Variants in DCLK3 observed in about 807,000 individuals in gnomAD.
DCLK3 encodes the protein doublecortin like kinase 3.
DCLK3 carries 30 observed loss-of-function variants against 46.4 expected under a neutral mutation model. The observed-to-expected ratio is 0.65, with a 90% confidence interval of 0.48 to 0.88. DCLK3 has a LOEUF of 0.88. Ranked by LOEUF, DCLK3 falls within the 40% of genes least tolerant of loss-of-function variation. The pLI, the probability that DCLK3 is intolerant of heterozygous loss-of-function variation, is 0.00. For synonymous variants in DCLK3, 401 were observed against 339.2 expected (o/e 1.18, Z -2.00); for missense variants, 846 against 907.1 (o/e 0.93, Z 0.87).
chr3:36,751,049 T>C (rs1701435760), intron 1 of DCLK3, among the ~76,000 whole-genome samples: 1 of 97,790 alleles, frequency 1.0e-5, no homozygotes, highest in Non-Finnish European at 2.0e-5. Flanking sequence ...GATATCCCTG[T>C]AGACGGGATG....
At chr3:36,744,741 C>T (rs1487670464) in intron 1 of DCLK3, among the ~76,000 whole-genome samples, 1 of 152,168 alleles carries the variant, frequency 6.6e-6, no homozygotes, top group African/African-American at 2.4e-5. Context: ...GAATATGATG[C>T]TAAATGTGAC....
At chr3:36,716,558 G>C (rs1164425901) in intron 4 of DCLK3, among the ~76,000 whole-genome samples, 4 of 152,162 alleles carry the variant, frequency 2.6e-5, no homozygotes, top group African/African-American at 9.7e-5. Flanking sequence ...GTGTACAAGT[G>C]TGGACAACCA....
rs1241472768 is a variant in DCLK3 at position 36,724,379 on chromosome 3, T to A, written c.1960-2720A>T. On this transcript the variant is annotated intron_variant, in intron 2 of 4. Transcript: ENST00000636136. ...GAAATGAGTTAAGACTTTGGGGAAC[T>A]ATTGAGAAGACATGATTGGTTTTGA... 2.0e-5 allele frequency among the ~76,000 whole-genome samples: 3 copies of A among 152,192 alleles called. No individual in the cohort carries two copies. In the East Asian group the frequency reaches 5.8e-4, roughly 29 times the overall value.
chr3:36,746,049 T>C (rs1701390849), intron 1 of DCLK3, among the ~76,000 whole-genome samples: 1 of 152,244 alleles, frequency 6.6e-6, no homozygotes, highest in Non-Finnish European at 1.5e-5. Flanking sequence ...CAATCTCTAA[T>C]TAACATCCTC....
rs202244952 is a variant in DCLK3 at position 36,737,323 on chromosome 3, C to T, written c.1844G>A (p.Ser615Asn). The T allele has an allele frequency of 1.2e-6, 2 of 1,614,184 alleles. No individual in the cohort carries two copies. The highest frequency in any genetic ancestry group is 2.7e-5 in the African/African-American group (2 of 75,044). The change falls in exon 2 of 5, where the codon AGT (serine) becomes AAT (asparagine). Residue 615 changes from serine (S) to asparagine (N), a missense_variant. Physicochemically the swap from Ser to Asn is conservative, Grantham distance 46. This residue lies in a region of DCLK3 where 247 missense variants were observed against 322.8 expected (regional missense o/e 0.77). Transcript: ENST00000636136. This position sits in a 1 kb window ranked among gnomAD's most constrained non-coding sequence, Gnocchi z 4.4. ...GGDLFDAIIE[S>N]VKFPEPDAAL... ...AGCATCGGGCTCCGGGAACTTCACA[C>T]TTTCTATGATGGCGTCAAAAAGGTC... is the stretch of plus-strand genomic sequence containing the variant.
At chr3:36,727,368 A>G (rs893094755) in intron 2 of DCLK3, among the ~76,000 whole-genome samples, 8 of 152,228 alleles carry the variant, frequency 5.3e-5, no homozygotes, top group African/African-American at 1.7e-4. Context: ...CTATTGTGAA[A>G]TAAGTGAAAC....
chr3:36,732,741 T>C (rs549522311), intron 2 of DCLK3, among the ~76,000 whole-genome samples: 2 of 152,344 alleles, frequency 1.3e-5, no homozygotes, highest in Admixed American at 6.5e-5. Flanking sequence ...ACTTGGACTA[T>C]TAATGAGAAG....
In DCLK3 at chr3:36,719,200, T is replaced by G. The variant is rs1376680092; in HGVS notation, c.2093-1023A>C. 2.6e-5 allele frequency among the ~76,000 whole-genome samples: 4 copies of G among 152,168 alleles called. No homozygotes were observed. In the South Asian group the frequency reaches 6.2e-4, roughly 24 times the overall value. ...CAGCAATGAAATAGACAAAGCAATATACAGTAAAGGTTTTTGATACATATT... is the reference window on the plus strand; with the variant it reads ...CAGCAATGAAATAGACAAAGCAATAGACAGTAAAGGTTTTTGATACATATT... On this transcript the variant is annotated intron_variant, in intron 3 of 4. Coordinates refer to ENST00000636136, the MANE Select transcript of DCLK3 (RefSeq NM_001394672.2).
At position 36,729,246 on chromosome 3, in the gene DCLK3, T is replaced by TGG. The variant is rs1553611158; in HGVS notation, c.1960-7588_1960-7587insCC. On this transcript the variant is annotated intron_variant, in intron 2 of 4. Coordinates refer to ENST00000636136, the MANE Select transcript of DCLK3 (RefSeq NM_001394672.2). ...AGGGTTTTCCCGGGTTGTGTGTGTG[T>TGG]GTGGGGGGGGGGGGTACAAAAGCCC... Among the ~76,000 whole-genome samples the TGG allele has an allele frequency of 5.2e-3, 216 of 41,908 alleles. 9 individuals are homozygous for TGG. The highest frequency in any genetic ancestry group is 0.014 in the Middle Eastern group (1 of 70). The allele number at this position is 41,908 out of a possible 152,430, so 27.5% of individuals were successfully genotyped here. A position where few individuals can be genotyped will look rare whatever the true frequency, so the allele number is the denominator to read the frequency against.
chr3:36,752,313 G>A (rs1701449537), intron 1 of DCLK3, among the ~76,000 whole-genome samples: 1 of 152,186 alleles, frequency 6.6e-6, no homozygotes, highest in Admixed American at 6.5e-5. Flanking sequence ...TGTGACTCCA[G>A]CTGAGACCAC....
At chr3:36,721,800 A>G (rs1701064973) in intron 2 of DCLK3, 141 bp from the exon 3 acceptor site, 1 of 974,834 alleles carries the variant, frequency 1.0e-6, no homozygotes, top group Non-Finnish European at 1.5e-6. Context: ...ACACTGACAA[A>G]GCTAACTTGA....
Position 36,715,714 on chromosome 3 carries a change from T to C in DCLK3, c.2261-193A>G, listed in dbSNP as rs181507687. On this transcript the variant is annotated intron_variant, in intron 4 of 4. Coordinates refer to ENST00000636136, the MANE Select transcript of DCLK3 (RefSeq NM_001394672.2). ...TATCTGCACTATCTACCTGCGATTA[T>C]TGAGCATTTGAAATCTGGCGTGTGA... 2.3e-3 allele frequency among the ~76,000 whole-genome samples: 355 copies of C among 152,372 alleles called. 1 individual carries two copies. The highest frequency in any genetic ancestry group is 3.1e-3 in the Non-Finnish European group (211 of 68,038).
In DCLK3 at chr3:36,718,149, A is replaced by G; in HGVS notation, c.2121T>C (p.Ala707=). 2 of 1,614,120 alleles carry G rather than the reference A, an allele frequency of 1.2e-6. No individual in the cohort carries two copies. Among genetic ancestry groups the G allele is most frequent in the Non-Finnish European group, 1.7e-6 (2 of 1,180,026 alleles). Residue 707 remains alanine (A), a synonymous_variant, in exon 4 of 5, where the codon GCT becomes GCC. Coordinates refer to ENST00000636136, the MANE Select transcript of DCLK3 (RefSeq NM_001394672.2). ...GCAGGATATAGAGGATCACGCCAGC[A>G]GCCCACATGTCCACCTCCAGTCCAT... ...KGYGLEVDMW[A]AGVILYILLC...
At chr3:36,749,319 C>T (rs1701419297) in intron 1 of DCLK3, among the ~76,000 whole-genome samples, 1 of 152,224 alleles carries the variant, frequency 6.6e-6, no homozygotes, top group South Asian at 2.1e-4. Flanking sequence ...GCTCACAAGA[C>T]TTCATAGTTT....
intron 3 of DCLK3, among the ~76,000 whole-genome samples, chr3:36,721,100 A>C (rs1701048786): frequency 6.6e-6 from 1 of 152,240 alleles, no homozygotes; most frequent in African/African-American, 2.4e-5. Flanking sequence ...TCATGGAGGA[A>C]AATGGGATCC....
intron 2 of DCLK3, among the ~76,000 whole-genome samples, chr3:36,735,957 G>A (rs533351225): frequency 2.2e-4 from 34 of 152,362 alleles, no homozygotes; most frequent in African/African-American, 7.7e-4. Flanking sequence ...AGAGGAGGGA[G>A]ACAGAAAGGC....
chr3:36,731,466 CACA>C, intron 2 of DCLK3, among the ~76,000 whole-genome samples: 1 of 152,050 alleles, frequency 6.6e-6, no homozygotes, highest in Middle Eastern at 3.4e-3. Flanking sequence ...CACACACACA[CACA>C]CACACACACA....
intron 1 of DCLK3, among the ~76,000 whole-genome samples, chr3:36,740,676 G>T (rs1406355185): frequency 6.6e-6 from 1 of 152,142 alleles, no homozygotes; most frequent in Non-Finnish European, 1.5e-5. Context: ...TTTCTATCCA[G>T]GTCAGGAAGA....
chr3:36,759,569 C>G (rs143034373), intron 1 of DCLK3, among the ~76,000 whole-genome samples: 3 of 152,172 alleles, frequency 2.0e-5, no homozygotes, highest in South Asian at 2.1e-4. Flanking sequence ...CTTAGAAAAC[C>G]CTCCTGACTA....
Sources: allele counts gnomAD v4.1 joint callset (sites outside exome capture counted in the v4.1 genomes callset), GRCh38; gene constraint gnomAD v4.1.1; regional missense constraint gnomAD v4.1.1; non-coding constraint Gnocchi (gnomAD v3.1); transcripts MANE v1.5; gene names NCBI Gene and HGNC (gene_info 2026-07-23, HGNC 2026-07-21).